ENTREP2: variants seen among roughly 807,000 people sequenced by gnomAD.
The protein encoded by ENTREP2 is endosomal transmembrane epsin interactor 2.
chr15:29,349,077 C>T, the ENTREP2 span, among the ~76,000 whole-genome samples: 26 of 152,294 alleles, frequency 1.7e-4, 1 homozygote, highest in Admixed American at 1.6e-3. Flanking sequence ...CTGGGGCTGC[C>T]GCCTCTACGG....
the ENTREP2 span, among the ~76,000 whole-genome samples, chr15:29,590,334 C>A: frequency 2.0e-5 from 3 of 152,060 alleles, no homozygotes; most frequent in East Asian, 5.8e-4. Flanking sequence ...CACATCCTGG[C>A]GCATTTGTAA....
At chr15:29,604,734 A>T in the ENTREP2 span, among the ~76,000 whole-genome samples, 1 of 152,244 alleles carries the variant, frequency 6.6e-6, no homozygotes, top group African/African-American at 2.4e-5. Context: ...TCCCTAGGAA[A>T]AAAAGAAAAT....
At chr15:29,461,063 C>T in the ENTREP2 span, among the ~76,000 whole-genome samples, 4 of 152,250 alleles carry the variant, frequency 2.6e-5, no homozygotes, top group South Asian at 8.3e-4. Context: ...ACTACGGCAT[C>T]AACACGAGGA....
the ENTREP2 span, among the ~76,000 whole-genome samples, chr15:29,164,460 G>T: frequency 6.6e-6 from 1 of 152,088 alleles, no homozygotes; most frequent in African/African-American, 2.4e-5. Context: ...AACACATAAG[G>T]ACTCACATAA....
At chr15:29,641,983 C>G in the ENTREP2 span, among the ~76,000 whole-genome samples, 1 of 151,678 alleles carries the variant, frequency 6.6e-6, no homozygotes, top group African/African-American at 2.4e-5. Flanking sequence ...ATTAAAGAAA[C>G]TCTAAATATA....
the ENTREP2 span, among the ~76,000 whole-genome samples, chr15:29,509,949 G>A: frequency 6.6e-6 from 1 of 151,996 alleles, no homozygotes; most frequent in Admixed American, 6.6e-5. Flanking sequence ...AAGAAACTAT[G>A]ATCAGAGTGA....
chr15:29,277,280 T>TA, the ENTREP2 span, among the ~76,000 whole-genome samples: 1 of 151,196 alleles, frequency 6.6e-6, no homozygotes, highest in Admixed American at 6.6e-5. Flanking sequence ...AGGCAGAGCT[T>TA]ACAGTGAGCC....
At chr15:29,404,768 G>A in the ENTREP2 span, among the ~76,000 whole-genome samples, 8 of 151,952 alleles carry the variant, frequency 5.3e-5, no homozygotes, top group East Asian at 1.4e-3. Flanking sequence ...GAAACATGAC[G>A]GATGCCTCCC....
At chr15:29,223,472 T>G in the ENTREP2 span, among the ~76,000 whole-genome samples, 2 of 152,182 alleles carry the variant, frequency 1.3e-5, no homozygotes, top group African/African-American at 4.8e-5. Context: ...AGCCTGTTCC[T>G]TCGTAGACAT....
At chr15:29,593,443 C>G in the ENTREP2 span, among the ~76,000 whole-genome samples, 2 of 152,152 alleles carry the variant, frequency 1.3e-5, no homozygotes, top group Non-Finnish European at 2.9e-5. Flanking sequence ...AGCCTCTTGA[C>G]TCCTCCTCTG....
the ENTREP2 span, among the ~76,000 whole-genome samples, chr15:29,556,309 A>G: frequency 6.6e-6 from 1 of 152,158 alleles, no homozygotes; most frequent in African/African-American, 2.4e-5. Flanking sequence ...TCAAGTGACA[A>G]CTTTCTCTAG....
chr15:29,632,901 G>A, the ENTREP2 span, among the ~76,000 whole-genome samples: 12 of 152,178 alleles, frequency 7.9e-5, no homozygotes, highest in Admixed American at 2.6e-4. Context: ...CTTGCAGGGG[G>A]TACAGGTGAT....
At chr15:29,516,190 C>A in the ENTREP2 span, among the ~76,000 whole-genome samples, 4 of 152,058 alleles carry the variant, frequency 2.6e-5, no homozygotes, top group Admixed American at 6.5e-5. Flanking sequence ...TTAAAAGTCT[C>A]CAGGGGTTCT....
At chr15:29,536,769 T>G in the ENTREP2 span, among the ~76,000 whole-genome samples, 1 of 152,118 alleles carries the variant, frequency 6.6e-6, no homozygotes, top group Non-Finnish European at 1.5e-5. Flanking sequence ...AGGGGAAATT[T>G]GGACACACAT....
chr15:29,251,912 G>A, the ENTREP2 span, among the ~76,000 whole-genome samples: 1 of 152,128 alleles, frequency 6.6e-6, no homozygotes, highest in Non-Finnish European at 1.5e-5. Flanking sequence ...GGATCTGAAA[G>A]AAAATTCTTT....
the ENTREP2 span, among the ~76,000 whole-genome samples, chr15:29,158,275 A>G: frequency 6.6e-6 from 1 of 152,238 alleles, no homozygotes; most frequent in African/African-American, 2.4e-5. Context: ...TTTGAAATAC[A>G]TGCCAGAAAG....
At chr15:29,648,511 A>G in the ENTREP2 span, among the ~76,000 whole-genome samples, 1 of 152,186 alleles carries the variant, frequency 6.6e-6, no homozygotes, top group Non-Finnish European at 1.5e-5. Flanking sequence ...GAGCCCCAGG[A>G]CTATAGTACA....
At chr15:29,567,036 C>T in the ENTREP2 span, among the ~76,000 whole-genome samples, 1 of 152,186 alleles carries the variant, frequency 6.6e-6, no homozygotes, top group Non-Finnish European at 1.5e-5. Context: ...AGACCTCCAT[C>T]CAGCTCTCTT....
At chr15:29,423,402 AGAG>A in the ENTREP2 span, among the ~76,000 whole-genome samples, 1 of 152,218 alleles carries the variant, frequency 6.6e-6, no homozygotes, top group African/African-American at 2.4e-5. Context: ...GAAAAATTCT[AGAG>A]AAGAATGTAA....
Sources: gnomAD v4.1 joint callset for allele counts (sites outside exome capture counted in the v4.1 genomes callset) on GRCh38, gnomAD v4.1.1 for gene constraint, MANE v1.5 for transcripts, NCBI Gene and HGNC (gene_info 2026-07-23, HGNC 2026-07-21) for gene names.